Variants in DPP10 observed in about 807,000 individuals in gnomAD.
The protein encoded by DPP10 is inactive dipeptidyl peptidase 10.
In DPP10, 33 loss-of-function variants were observed where a neutral mutation model predicts 120.9. The observed-to-expected ratio is 0.27, with a 90% CI of 0.21 to 0.37. The LOEUF is 0.37. DPP10 is among the 10% of genes least tolerant of loss of function. DPP10 has a pLI of 1.00. For missense variants in DPP10, 816 were observed against 942.8 expected, an observed-to-expected ratio of 0.87 and a Z score of 1.76; for synonymous variants, 337 against 326.1, an observed-to-expected ratio of 1.03 and a Z score of -0.36.
intron 1 of DPP10, among the ~76,000 whole-genome samples, chr2:115,209,158 G>A (rs1013148241): frequency 1.3e-5 from 2 of 151,916 alleles, no homozygotes; most frequent in Non-Finnish European, 2.9e-5. Context: ...CTTTCCTCAG[G>A]TTTAAGCTGT....
intron 1 of DPP10, among the ~76,000 whole-genome samples, chr2:114,807,495 C>G (rs536296575): frequency 6.6e-6 from 1 of 152,112 alleles, no homozygotes; most frequent in African/African-American, 2.4e-5. Flanking sequence ...AATACTAGAA[C>G]TTACTTCTAT....
chr2:115,768,525 A>C, intron 13 of DPP10, 121 bp downstream of exon 13: 1 of 752,708 alleles, frequency 1.3e-6, no homozygotes, highest in Non-Finnish European at 2.1e-6. Context: ...TATACAACTC[A>C]CAGACATCTT....
intron 1 of DPP10, among the ~76,000 whole-genome samples, chr2:114,963,129 C>G (rs72834103): frequency 0.012 from 1,770 of 152,214 alleles, 19 homozygotes; most frequent in Non-Finnish European, 0.018. Context: ...TACTTATACA[C>G]GAGGACAGTA....
intron 4 of DPP10, among the ~76,000 whole-genome samples, chr2:115,509,269 A>G (rs1364203297): frequency 6.6e-6 from 1 of 152,190 alleles, no homozygotes; most frequent in African/African-American, 2.4e-5. Context: ...CCAGCAGAGA[A>G]GAGAAAGATT....
At chr2:114,512,840 T>C (rs1684258569) in intron 1 of DPP10, among the ~76,000 whole-genome samples, 1 of 152,214 alleles carries the variant, frequency 6.6e-6, no homozygotes, top group Non-Finnish European at 1.5e-5. Flanking sequence ...AGGGACTGCT[T>C]GTTGTCACGT....
chr2:114,904,079 C>G (rs1477294917), intron 1 of DPP10, among the ~76,000 whole-genome samples: 1 of 152,146 alleles, frequency 6.6e-6, no homozygotes, highest in Non-Finnish European at 1.5e-5. Context: ...GACTCAGGAG[C>G]TGGGTAATGG....
At chr2:114,511,431 C>T (rs958976159) in intron 1 of DPP10, among the ~76,000 whole-genome samples, 5 of 152,068 alleles carry the variant, frequency 3.3e-5, no homozygotes, top group South Asian at 2.1e-4. Flanking sequence ...TTGACATTTG[C>T]CCATTTATTC....
intron 1 of DPP10, among the ~76,000 whole-genome samples, chr2:115,292,695 ATTG>A (rs1424591006): frequency 2.6e-5 from 4 of 152,102 alleles, no homozygotes; most frequent in Non-Finnish European, 5.9e-5. Context: ...GCCTATTATT[ATTG>A]TTGTTGTTAT....
At chr2:114,516,975 G>C (rs551880689) in intron 1 of DPP10, among the ~76,000 whole-genome samples, 68 of 152,282 alleles carry the variant, frequency 4.5e-4, no homozygotes, top group Non-Finnish European at 7.9e-4. Context: ...AGCAACTTTG[G>C]TGGATAACAG....
intron 1 of DPP10, among the ~76,000 whole-genome samples, chr2:115,192,826 T>G (rs2054978221): frequency 6.6e-6 from 1 of 151,836 alleles, no homozygotes; most frequent in Non-Finnish European, 1.5e-5. Context: ...AGCAGGTTAG[T>G]GCTTTAAGAA....
chr2:114,563,876 C>T (rs966603093), intron 1 of DPP10, among the ~76,000 whole-genome samples: 1 of 152,192 alleles, frequency 6.6e-6, no homozygotes, highest in Non-Finnish European at 1.5e-5. Context: ...ACTGACATTA[C>T]ACCATCTCTC....
At chr2:115,512,299 T>A (rs2077274717) in intron 4 of DPP10, among the ~76,000 whole-genome samples, 1 of 151,892 alleles carries the variant, frequency 6.6e-6, no homozygotes, top group Admixed American at 6.6e-5. Flanking sequence ...TGTGTCATAC[T>A]ATTTTGCCCA....
chr2:115,717,642 A>G (rs1442522528), intron 7 of DPP10, among the ~76,000 whole-genome samples: 1 of 152,148 alleles, frequency 6.6e-6, no homozygotes, highest in Non-Finnish European at 1.5e-5. Flanking sequence ...AGAATCAAAG[A>G]GAAAGTTGGA....
intron 1 of DPP10, among the ~76,000 whole-genome samples, chr2:114,766,851 C>A (rs1441343341): frequency 1.3e-5 from 2 of 151,814 alleles, no homozygotes; most frequent in Non-Finnish European, 2.9e-5. Context: ...ATCCTGATTG[C>A]AGTGGTAGTA....
At chr2:114,597,981 G>A (rs1437269953) in intron 1 of DPP10, among the ~76,000 whole-genome samples, 1 of 151,836 alleles carries the variant, frequency 6.6e-6, no homozygotes, top group East Asian at 1.9e-4. Context: ...TTTGACTTTG[G>A]GGATTAAGAG....
At chr2:115,693,131 T>C (rs546993154) in intron 7 of DPP10, among the ~76,000 whole-genome samples, 1 of 152,336 alleles carries the variant, frequency 6.6e-6, no homozygotes, top group East Asian at 1.9e-4. Flanking sequence ...TATTTGCTTT[T>C]ATCTTGTAGA....
At chr2:115,702,689 G>A (rs2091941352) in intron 7 of DPP10, among the ~76,000 whole-genome samples, 1 of 152,090 alleles carries the variant, frequency 6.6e-6, no homozygotes, top group Admixed American at 6.6e-5. Context: ...GTTACTTACA[G>A]TTGGAAGGAT....
chr2:115,680,560 G>A (rs987484192), intron 5 of DPP10, among the ~76,000 whole-genome samples: 23 of 151,896 alleles, frequency 1.5e-4, no homozygotes, highest in Middle Eastern at 3.4e-3. Flanking sequence ...ACCTCACACC[G>A]TAAATAAAAA....
At chr2:114,481,068 C>A (rs1248051804) in intron 1 of DPP10, among the ~76,000 whole-genome samples, 2 of 150,788 alleles carry the variant, frequency 1.3e-5, no homozygotes, top group African/African-American at 4.9e-5. Flanking sequence ...TACCATGAGA[C>A]AAATGGTTTT....
Sources: allele counts gnomAD v4.1 joint callset (sites outside exome capture counted in the v4.1 genomes callset), GRCh38; gene constraint gnomAD v4.1.1; transcripts MANE v1.5; gene names NCBI Gene and HGNC (gene_info 2026-07-23, HGNC 2026-07-21).